The following S100A8 variants were observed in gnomAD, a reference collection of about 807,000 sequenced individuals.
S100A8 encodes the protein protein S100-A8.
A neutral mutation model predicts 4.2 loss-of-function variants in S100A8; 1 was observed. The ratio of observed to expected loss-of-function variants is 0.24; its 90% confidence interval spans 0.08 to 1.12. The LOEUF is 1.12. Ranked by LOEUF, S100A8 falls within the 50% of genes most tolerant of loss-of-function variation. The probability of loss-of-function intolerance (pLI) is 0.53; values close to 1 mark genes in which losing one functional copy is unlikely to be tolerated. For missense variants in S100A8, 96 were observed against 111.8 expected, an observed-to-expected ratio of 0.86 and a Z score of 0.64; for synonymous variants, 41 against 44.7, an observed-to-expected ratio of 0.92 and a Z score of 0.33.
At chr1:153,418,174 G>A in the S100A8 span, 1 of 1,614,062 alleles carries the variant, frequency 6.2e-7, no homozygotes, top group Non-Finnish European at 8.5e-7. Flanking sequence ...GAGAAGCCAA[G>A]CCTGCTGACG....
chr1:153,417,129 G>C, the S100A8 span: 1 of 152,326 alleles, frequency 6.6e-6, no homozygotes, highest in African/African-American at 2.4e-5. Flanking sequence ...AGGTGTTGGG[G>C]GTTTATTGTC....
At chr1:153,408,454 C>T in the S100A8 span, among the ~76,000 whole-genome samples, 2 of 152,144 alleles carry the variant, frequency 1.3e-5, no homozygotes, top group Non-Finnish European at 2.9e-5. Flanking sequence ...ATGGACAAAG[C>T]CTCCAAGAAA....
upstream of S100A8, among the ~76,000 whole-genome samples, chr1:153,391,396 C>G (rs1662094020): frequency 6.6e-6 from 1 of 152,126 alleles, no homozygotes; most frequent in Non-Finnish European, 1.5e-5. Flanking sequence ...GATTGCTAAT[C>G]CCCTGCATTG....
chr1:153,404,935 G>A, the S100A8 span, among the ~76,000 whole-genome samples: 2 of 151,810 alleles, frequency 1.3e-5, no homozygotes, highest in African/African-American at 4.8e-5. Flanking sequence ...CCACCGTGTG[G>A]AAGCTTGGGA....
chr1:153,401,485 T>A, the S100A8 span, among the ~76,000 whole-genome samples: 2 of 152,202 alleles, frequency 1.3e-5, no homozygotes, highest in South Asian at 4.1e-4. Flanking sequence ...ATCTCCCATG[T>A]CACAACCCAA....
chr1:153,419,027 C>G, the S100A8 span: 1 of 1,102,680 alleles, frequency 9.1e-7, no homozygotes, highest in African/African-American at 1.6e-5. Flanking sequence ...CTCAGCCCCA[C>G]GACCATGCCT....
chr1:153,417,551 T>C, the S100A8 span, among the ~76,000 whole-genome samples: 45 of 152,314 alleles, frequency 3.0e-4, 1 homozygote, highest in South Asian at 6.2e-4. Context: ...CTGCACGCAC[T>C]GTGTCATGCA....
the S100A8 span, chr1:153,419,103 T>G: frequency 1.9e-6 from 3 of 1,603,214 alleles, no homozygotes; most frequent in South Asian, 2.2e-5. Flanking sequence ...AAAACTTGTT[T>G]GTGATTGAAT....
At chr1:153,422,506 G>A in the S100A8 span, 23 of 984,834 alleles carry the variant, frequency 2.3e-5, no homozygotes, top group East Asian at 2.3e-3. Context: ...ACAGCTCTAT[G>A]CCCACACTCA....
chr1:153,417,808 T>C, the S100A8 span: 14 of 373,006 alleles, frequency 3.8e-5, no homozygotes, highest in African/African-American at 2.7e-4. Context: ...CTTCTCCTTC[T>C]CTGAAGCACT....
At chr1:153,403,486 A>G in the S100A8 span, among the ~76,000 whole-genome samples, 1 of 152,110 alleles carries the variant, frequency 6.6e-6, no homozygotes, top group African/African-American at 2.4e-5. Context: ...TCGAAATCTG[A>G]CACGACTCTT....
At chr1:153,408,243 A>G in the S100A8 span, among the ~76,000 whole-genome samples, 2 of 152,240 alleles carry the variant, frequency 1.3e-5, no homozygotes, top group East Asian at 1.9e-4. Context: ...AGATTAAATG[A>G]ATGGCTAACT....
the S100A8 span, among the ~76,000 whole-genome samples, chr1:153,402,986 A>C: frequency 6.6e-6 from 1 of 152,232 alleles, no homozygotes; most frequent in Non-Finnish European, 1.5e-5. Flanking sequence ...TTATTCTGTG[A>C]CAAAAGTGGC....
the S100A8 span, among the ~76,000 whole-genome samples, chr1:153,404,559 G>C: frequency 6.6e-6 from 1 of 152,128 alleles, no homozygotes; most frequent in East Asian, 1.9e-4. Flanking sequence ...AAGACCAAAT[G>C]TCCATTTCGT....
Position 153,390,354 on chromosome 1 carries a change from G to A in S100A8, c.141+41C>T, listed in dbSNP as rs376188722. The stretch of plus-strand genomic sequence containing the variant: ...GACCGCTGGCCCAGGGCAGCCCCAG[G>A]ACCAGGCAGAGAGCCCCCGCCACAC... On this transcript the variant is annotated intron_variant, in intron 2 of 2. Coordinates refer to ENST00000368733, the MANE Select transcript of S100A8 (RefSeq NM_002964.5). 20 of 1,610,440 alleles carry A rather than the reference G, an allele frequency of 1.2e-5. No homozygotes were observed. In the African/African-American group the frequency reaches 2.0e-4, roughly 16 times the overall value.
chr1:153,418,233 G>T, the S100A8 span: 3,568 of 1,612,742 alleles, frequency 2.2e-3, 75 homozygotes, highest in South Asian at 0.024. Flanking sequence ...TGTGAGTTGG[G>T]GTCTAGCTTC....
chr1:153,413,664 G>A, the S100A8 span, among the ~76,000 whole-genome samples: 9 of 152,156 alleles, frequency 5.9e-5, no homozygotes, highest in Non-Finnish European at 8.8e-5. Flanking sequence ...ACTTTGGGAG[G>A]CCGAGATGAG....
At chr1:153,403,384 CA>C in the S100A8 span, among the ~76,000 whole-genome samples, 2 of 152,156 alleles carry the variant, frequency 1.3e-5, no homozygotes, top group African/African-American at 4.8e-5. Flanking sequence ...TGTTGAAAAT[CA>C]ATTGACTGTG....
the S100A8 span, chr1:153,417,298 A>G: frequency 3.9e-5 from 6 of 152,198 alleles, no homozygotes; most frequent in African/African-American, 1.4e-4. Context: ...TTTTATTTAA[A>G]CAGGGTCAAC....
Sources: allele counts gnomAD v4.1 joint callset (sites outside exome capture counted in the v4.1 genomes callset), GRCh38; gene constraint gnomAD v4.1.1; transcripts MANE v1.5; gene names NCBI Gene and HGNC (gene_info 2026-07-23, HGNC 2026-07-21).